The following WWOX variants were observed in gnomAD, a reference collection of about 807,000 sequenced individuals.
WWOX encodes the protein WW domain-containing oxidoreductase.
In WWOX, 69 loss-of-function variants were observed where a neutral mutation model predicts 46.2. That is an observed-to-expected ratio of 1.49 (90% confidence interval 1.23 to 1.82). The LOEUF (loss-of-function observed/expected upper bound fraction) is 1.82, where lower values mean the gene tolerates loss of function less well. Among genes scored for constraint, WWOX ranks in the 40% most tolerant of loss-of-function variants. The probability of loss-of-function intolerance (pLI) is 0.00; values close to 1 mark genes in which losing one functional copy is unlikely to be tolerated. For missense variants in WWOX, 919 were observed against 542.6 expected, an observed-to-expected ratio of 1.69 and a Z score of -6.89; for synonymous variants, 359 against 202.6, an observed-to-expected ratio of 1.77 and a Z score of -6.56.
At position 78,711,713 on chromosome 16, in the gene WWOX, A is replaced by G. The variant is rs1383082550; in HGVS notation, c.1056+278961A>G. Among the ~76,000 whole-genome samples, 7 of 152,290 alleles carry G rather than the reference A, an allele frequency of 4.6e-5. 1 individual carries two copies. Among genetic ancestry groups the G allele is most frequent in the African/African-American group, 1.7e-4 (7 of 41,566 alleles). On this transcript the variant is annotated intron_variant, in intron 8 of 8. Transcript: ENST00000566780. ...GGGGACGCAGCACAGTTTGAATATA[A>G]GTGTTCCCTCCAATTCCCATGTTAG...
At chr16:79,065,821 C>T (rs781258253) in intron 8 of WWOX, among the ~76,000 whole-genome samples, 2 of 151,542 alleles carry the variant, frequency 1.3e-5, no homozygotes, top group Non-Finnish European at 2.9e-5. Flanking sequence ...ACTGCCAGCC[C>T]GTGGGGCTAG....
At chr16:78,362,709 C>T (rs562939338) in intron 5 of WWOX, among the ~76,000 whole-genome samples, 11 of 152,078 alleles carry the variant, frequency 7.2e-5, no homozygotes, top group Admixed American at 3.3e-4. Context: ...TGGAGGGTTT[C>T]CAGGAAACAG....
intron 8 of WWOX, among the ~76,000 whole-genome samples, chr16:78,892,651 G>A (rs974717425): frequency 6.6e-6 from 1 of 152,240 alleles, no homozygotes; most frequent in Non-Finnish European, 1.5e-5. Flanking sequence ...CCTGCCAAAA[G>A]CAAAACAATT....
chr16:79,126,639 C>G (rs1344921572), intron 8 of WWOX, among the ~76,000 whole-genome samples: 1 of 152,140 alleles, frequency 6.6e-6, no homozygotes, highest in African/African-American at 2.4e-5. Context: ...ACTACCCAGT[C>G]TCAGGTATTT....
At chr16:78,361,704 T>C (rs8057282) in intron 5 of WWOX, among the ~76,000 whole-genome samples, 128,740 of 152,120 alleles carry the variant, frequency 0.85, 55,258 homozygotes, top group Non-Finnish European at 0.9. Flanking sequence ...CTCTGCCTCC[T>C]GTGTTCAGGC....
intron 5 of WWOX, among the ~76,000 whole-genome samples, chr16:78,195,048 T>C (rs756480812): frequency 6.6e-6 from 1 of 152,224 alleles, no homozygotes; most frequent in Non-Finnish European, 1.5e-5. Flanking sequence ...TTATGCCTTC[T>C]GCTAACTGGG....
At chr16:78,191,320 T>A (rs919364065) in intron 5 of WWOX, among the ~76,000 whole-genome samples, 1 of 152,166 alleles carries the variant, frequency 6.6e-6, no homozygotes, top group Non-Finnish European at 1.5e-5. Flanking sequence ...TTTTGGACCA[T>A]TGAGCTACTA....
intron 8 of WWOX, among the ~76,000 whole-genome samples, chr16:78,559,412 C>G (rs1276387617): frequency 2.0e-5 from 3 of 152,078 alleles, no homozygotes; most frequent in Admixed American, 6.5e-5. Context: ...GACTGAGTGT[C>G]GAGGAGCAAG....
At chr16:78,854,564 A>C (rs138537179) in intron 8 of WWOX, among the ~76,000 whole-genome samples, 1 of 152,056 alleles carries the variant, frequency 6.6e-6, no homozygotes, top group African/African-American at 2.4e-5. Context: ...ACCTAACGAT[A>C]CCTGTATTTG....
At chr16:78,983,659 C>T (rs963363016) in intron 8 of WWOX, among the ~76,000 whole-genome samples, 2 of 152,104 alleles carry the variant, frequency 1.3e-5, no homozygotes, top group South Asian at 2.1e-4. Flanking sequence ...CCAATGGAAT[C>T]GGCTGCAGGA....
At chr16:78,711,760 C>A (rs1455029980) in intron 8 of WWOX, among the ~76,000 whole-genome samples, 2 of 152,058 alleles carry the variant, frequency 1.3e-5, no homozygotes, top group Non-Finnish European at 2.9e-5. Flanking sequence ...GAGTATTGAC[C>A]AGTGTTAAAG....
rs1049250175 is a variant in WWOX at position 78,703,049 on chromosome 16, G to T, written c.1056+270297G>T. ...GTAATTATGGAATCTTGCAGTGCTT[G>T]TTGGGATCAGAGAAGGCTCCTCCGA... On this transcript the variant is annotated intron_variant, in intron 8 of 8. Transcript: ENST00000566780. Among the ~76,000 whole-genome samples the T allele has an allele frequency of 2.6e-5, 4 of 152,168 alleles. No individual in the cohort carries two copies. In the East Asian group the frequency reaches 5.8e-4, roughly 22 times the overall value.
At chr16:78,401,027 C>A (rs1453880892) in intron 6 of WWOX, among the ~76,000 whole-genome samples, 1 of 152,132 alleles carries the variant, frequency 6.6e-6, no homozygotes, top group Non-Finnish European at 1.5e-5. Context: ...CTTGTGTTGT[C>A]CAGGCTGGTC....
chr16:78,910,749 G>C (rs1157756473), intron 8 of WWOX, among the ~76,000 whole-genome samples: 1 of 151,802 alleles, frequency 6.6e-6, no homozygotes, highest in Non-Finnish European at 1.5e-5. Flanking sequence ...CAGATCTCGT[G>C]GGACTTACTC....
At chr16:78,403,706 C>G (rs2082464481) in intron 6 of WWOX, among the ~76,000 whole-genome samples, 1 of 152,222 alleles carries the variant, frequency 6.6e-6, no homozygotes, top group African/African-American at 2.4e-5. Context: ...GGGGGCTCCC[C>G]AGATTGTCCC....
At chr16:78,312,338 T>G (rs1354508753) in intron 5 of WWOX, among the ~76,000 whole-genome samples, 1 of 151,912 alleles carries the variant, frequency 6.6e-6, no homozygotes, top group African/African-American at 2.4e-5. Flanking sequence ...AAGGAAACAC[T>G]TATATTGCTA....
At chr16:79,210,955 C>T (rs1287636717) in intron 8 of WWOX, among the ~76,000 whole-genome samples, 1 of 151,826 alleles carries the variant, frequency 6.6e-6, no homozygotes, top group Non-Finnish European at 1.5e-5. Flanking sequence ...TCAAATATGA[C>T]ATTTAGAAAA....
intron 8 of WWOX, among the ~76,000 whole-genome samples, chr16:79,010,723 C>G (rs950243249): frequency 6.7e-6 from 1 of 149,448 alleles, no homozygotes; most frequent in South Asian, 2.1e-4. Flanking sequence ...GCCATGGGTA[C>G]CAAGGGGTAG....
At chr16:78,818,438 C>T (rs895751296) in intron 8 of WWOX, among the ~76,000 whole-genome samples, 10 of 152,224 alleles carry the variant, frequency 6.6e-5, no homozygotes, top group Non-Finnish European at 1.2e-4. Context: ...ACAAGGCAGG[C>T]CCAGTTTTGA....
Sources: gnomAD v4.1 joint callset for allele counts (sites outside exome capture counted in the v4.1 genomes callset) on GRCh38, gnomAD v4.1.1 for gene constraint, MANE v1.5 for transcripts, NCBI Gene and HGNC (gene_info 2026-07-23, HGNC 2026-07-21) for gene names.